Variants in RER1 observed in about 807,000 individuals in gnomAD.
RER1 encodes the protein protein RER1.
Under a neutral mutation model 28.3 loss-of-function variants are expected in RER1, and 6 were observed. The ratio of observed to expected loss-of-function variants is 0.21; its 90% CI spans 0.12 to 0.42. The LOEUF is 0.42. Ranked by LOEUF, RER1 falls within the 10% of genes least tolerant of loss-of-function variation. RER1 has a pLI of 1.00. For synonymous variants in RER1, 110 were observed against 95.9 expected, an observed-to-expected ratio of 1.15 and a Z score of -0.86; for missense variants, 159 against 252.9, an observed-to-expected ratio of 0.63 and a Z score of 2.52.
Position 2,402,249 on chromosome 1 carries a change from T to A in RER1, c.408T>A (p.Thr136=). 6.2e-7 allele frequency: 1 copy of A among 1,614,248 alleles called. No homozygotes were observed. Among genetic ancestry groups the A allele is most frequent in the Non-Finnish European group, 8.5e-7 (1 of 1,180,050 alleles). ...TKGILVAMVC[T]FFDAFNVPVF... is the part of the protein sequence containing the mutation. ...GCATCCTTGTGGCTATGGTCTGTAC[T>A]TTCTTCGACGCTTTCAACGTCCCGG... Residue 136 remains threonine, a synonymous_variant, in exon 6 of 7, where the codon ACT becomes ACA. Coordinates refer to ENST00000605895, the MANE Select transcript of RER1 (RefSeq NM_007033.5).
At chr1:2,397,857 T>C (rs1175822576) in intron 3 of RER1, among the ~76,000 whole-genome samples, 2 of 152,224 alleles carry the variant, frequency 1.3e-5, no homozygotes, top group Non-Finnish European at 2.9e-5. Context: ...GAATTCTTCG[T>C]CGGTCTTTAG....
chr1:2,402,321 C>G lies in RER1; in HGVS notation c.480C>G (p.Ile160Met). ...TGTACTTCATCATGCTCTTCTGTATCACGATGAAGAGGCAAATCAAGGTAA... is the reference window on the plus strand; with the variant it reads ...TGTACTTCATCATGCTCTTCTGTATGACGATGAAGAGGCAAATCAAGGTAA... Reference protein sequence around the residue: ...LVMYFIMLFCITMKRQIKHMI... With the variant: ...LVMYFIMLFCMTMKRQIKHMI... Residue 160 changes from isoleucine to methionine, a missense_variant, in exon 6 of 7, where the codon ATC becomes ATG. Physicochemically the swap from Ile to Met is conservative, Grantham distance 10 (BLOSUM62 1). Transcript: ENST00000605895. The G allele has an allele frequency of 6.2e-7, 1 of 1,614,224 alleles. No homozygotes were observed. The highest frequency in any genetic ancestry group is 8.5e-7 in the Non-Finnish European group (1 of 1,180,050).
At chr1:2,400,800 A>G (rs1199354072) in intron 4 of RER1, 57 bp from the exon 5 acceptor site, 1 of 1,376,368 alleles carries the variant, frequency 7.3e-7, no homozygotes, top group Non-Finnish European at 1.0e-6. Flanking sequence ...GGGAAAAGGT[A>G]GAACTGTGAT....
intron 1 of RER1, among the ~76,000 whole-genome samples, chr1:2,392,183 G>C (rs1642686374): frequency 1.3e-5 from 2 of 151,714 alleles, no homozygotes; most frequent in Non-Finnish European, 1.5e-5. Context: ...GTGCGGCGGA[G>C]CCCTGGGGCC....
chr1:2,402,757 T>C (rs1251660380), intron 6 of RER1, among the ~76,000 whole-genome samples: 1 of 152,168 alleles, frequency 6.6e-6, no homozygotes, highest in Admixed American at 6.5e-5. Context: ...GCCCGGGGTG[T>C]TGGCTGCAGA....
At chr1:2,392,469 A>G (rs1642694872) in intron 1 of RER1, among the ~76,000 whole-genome samples, 1 of 152,218 alleles carries the variant, frequency 6.6e-6, no homozygotes, top group Non-Finnish European at 1.5e-5. Flanking sequence ...TTTTGATCGT[A>G]TTCTAAATAG....
chr1:2,393,196 G>T (rs1453750079), intron 1 of RER1: 2 of 151,960 alleles, frequency 1.3e-5, no homozygotes, highest in Non-Finnish European at 2.9e-5. Context: ...TTTCTGTTTT[G>T]TTTGTGACCA....
Position 2,402,351 on chromosome 1 carries a change from G to T in RER1, c.501+9G>T, listed in dbSNP as rs1052753692. 2.7e-5 allele frequency: 43 copies of T among 1,613,894 alleles called. No individual in the cohort carries two copies. Among genetic ancestry groups the T allele is most frequent in the Non-Finnish European group, 3.5e-5 (41 of 1,179,934 alleles). ...TGAAGAGGCAAATCAAGGTAAAGCAGAGGCGCTGCCGCCACGCCGGCCGCA... is the reference window on the plus strand; with the variant it reads ...TGAAGAGGCAAATCAAGGTAAAGCATAGGCGCTGCCGCCACGCCGGCCGCA... On this transcript the variant is annotated intron_variant, in intron 6 of 6. Coordinates refer to ENST00000605895, the MANE Select transcript of RER1 (RefSeq NM_007033.5).
rs779837628 is a variant in RER1, at chr1:2,403,213, T to A, written c.*89T>A. 1 of 951,112 alleles carries A rather than the reference T, an allele frequency of 1.1e-6. No homozygotes were observed. Among genetic ancestry groups the A allele is most frequent in the Non-Finnish European group, 1.7e-6 (1 of 597,848 alleles). 58.9% of individuals were successfully genotyped at this position (951,112 alleles called of 1,614,324 possible). A position where few individuals can be genotyped will look rare whatever the true frequency, so the allele number is the denominator to read the frequency against. On this transcript the variant is annotated 3_prime_UTR_variant, in exon 7 of 7. Coordinates refer to ENST00000605895, the MANE Select transcript of RER1 (RefSeq NM_007033.5). ...TTTTTCTTCACATAAAGTAGTTGAT[T>A]ACGAGGGAGTCAAATTTTCTTTTTA...
intron 2 of RER1, among the ~76,000 whole-genome samples, chr1:2,396,654 T>C (rs1006931534): frequency 6.6e-6 from 1 of 152,178 alleles, no homozygotes; most frequent in Non-Finnish European, 1.5e-5. Flanking sequence ...CACACACATG[T>C]GGGTGTGGCT....
At chr1:2,401,992 G>A in intron 5 of RER1, 1 of 1,482,026 alleles carries the variant, frequency 6.7e-7, no homozygotes. Flanking sequence ...TCTTTCAAGG[G>A]AGTAAGAGAA....
rs1049479889 is a variant in RER1, at chr1:2,404,866, C to T, written c.*1742C>T. On this transcript the variant is annotated 3_prime_UTR_variant, in exon 7 of 7. Coordinates refer to ENST00000605895, the MANE Select transcript of RER1 (RefSeq NM_007033.5). ...AAGATGCCTACGGTGAACTCTCTGG[C>T]GCAGGTTAAATGCAGTTTTGAAAAC... 1.6e-4 allele frequency: 25 copies of T among 152,688 alleles called. No homozygotes were observed. The highest frequency in any genetic ancestry group is 3.4e-4 in the African/African-American group (14 of 41,448). 9.5% of individuals were successfully genotyped at this position (152,688 alleles called of 1,614,324 possible). A position where few individuals can be genotyped will look rare whatever the true frequency, so the allele number is the denominator to read the frequency against.
Position 2,405,318 on chromosome 1 carries a change from AC to A in RER1, c.*2197del. The A allele has an allele frequency of 3.0e-6, 1 of 329,762 alleles. No individual in the cohort carries two copies. Among genetic ancestry groups the A allele is most frequent in the Non-Finnish European group, 5.9e-6 (1 of 169,720 alleles). 20.4% of individuals were successfully genotyped at this position (329,762 alleles called of 1,614,324 possible). On this transcript the variant is annotated 3_prime_UTR_variant, in exon 7 of 7. Coordinates refer to ENST00000605895, the MANE Select transcript of RER1 (RefSeq NM_007033.5). The stretch of plus-strand genomic sequence containing the variant: ...TGTTCTCACTGCACTGGCTGAAGCA[AC>A]CCGCCAGCCTCCGTGCCCCACCCCA...
At position 2,399,436 on chromosome 1, in the gene RER1, G is replaced by A; in HGVS notation, c.208G>A (p.Ala70Thr). ...LLQGWYIVTY[A>T]LGIYHLNLFI... ...TCAGGGTTGGTACATTGTGACCTAT[G>A]CCTTGGGGATCTACCATCTAAATCT... Residue 70 changes from alanine (A) to threonine (T), a missense_variant, in exon 4 of 7, where the codon GCC becomes ACC. Transcript: ENST00000605895. 1 of 1,611,396 alleles carries A rather than the reference G, an allele frequency of 6.2e-7. No homozygotes were observed. Among genetic ancestry groups the A allele is most frequent in the Non-Finnish European group, 8.5e-7 (1 of 1,177,500 alleles).
chr1:2,394,899 G>C (rs1468198116), intron 1 of RER1: 3 of 152,254 alleles, frequency 2.0e-5, no homozygotes. Context: ...GCAGGCCCTG[G>C]GTACTGAGCT....
At chr1:2,392,804 T>G (rs1430353924) in intron 1 of RER1, among the ~76,000 whole-genome samples, 3 of 152,152 alleles carry the variant, frequency 2.0e-5, no homozygotes, top group Non-Finnish European at 4.4e-5. Context: ...TAACAGTGTG[T>G]CAGAGCCAGG....
intron 4 of RER1, 116 bp from the exon 5 acceptor site, chr1:2,400,741 C>A: frequency 2.3e-6 from 2 of 851,070 alleles, no homozygotes; most frequent in Non-Finnish European, 3.9e-6. Flanking sequence ...GGTTAAATGA[C>A]ATGAATCTCG....
At chr1:2,395,587 C>T (rs1642757674) in intron 1 of RER1, 197 bp from the exon 2 acceptor site, 1 of 576,314 alleles carries the variant, frequency 1.7e-6, no homozygotes, top group Admixed American at 2.9e-5. Context: ...CCATGCGTCT[C>T]ACGCTGCCCT....
At chr1:2,401,218 CCT>C (rs1557903592) in intron 5 of RER1, among the ~76,000 whole-genome samples, 1 of 126,980 alleles carries the variant, frequency 7.9e-6, no homozygotes, top group African/African-American at 2.8e-5. Flanking sequence ...CCTCCTCCTC[CCT>C]CCTCCTCCCT....
Sources: allele counts gnomAD v4.1 joint callset (sites outside exome capture counted in the v4.1 genomes callset), GRCh38; gene constraint gnomAD v4.1.1; transcripts MANE v1.5; gene names NCBI Gene and HGNC (gene_info 2026-07-23, HGNC 2026-07-21).